ARMC9: variants seen among roughly 807,000 people sequenced by gnomAD.
ARMC9 encodes lisH domain-containing protein ARMC9.
A neutral mutation model predicts 107.0 loss-of-function variants in ARMC9; 94 were observed. That is an observed-to-expected ratio of 0.88 (90% CI 0.74 to 1.04). The LOEUF is 1.04. Ranked by LOEUF, ARMC9 falls within the 50% of genes least tolerant of loss-of-function variation. The pLI, the probability that ARMC9 is intolerant of heterozygous loss-of-function variation, is 0.00. For missense variants in ARMC9, 942 were observed against 1,030.1 expected, an observed-to-expected ratio of 0.91 and a Z score of 1.17; for synonymous variants, 380 against 396.9, an observed-to-expected ratio of 0.96 and a Z score of 0.51.
At chr2:231,320,746 A>G (rs56388627) in intron 19 of ARMC9, among the ~76,000 whole-genome samples, 1 of 151,924 alleles carries the variant, frequency 6.6e-6, no homozygotes, top group Non-Finnish European at 1.5e-5. Context: ...AGGTGAGCTG[A>G]TGGTCACAGC....
chr2:231,306,723 C>T, intron 19 of ARMC9, among the ~76,000 whole-genome samples: 1 of 151,372 alleles, frequency 6.6e-6, no homozygotes, highest in Non-Finnish European at 1.5e-5. Flanking sequence ...CAAGATCTTC[C>T]AAGTGAGGCC....
chr2:231,226,959 G>A (rs1440271306), intron 7 of ARMC9, among the ~76,000 whole-genome samples, 161 bp downstream of exon 7: 3 of 152,078 alleles, frequency 2.0e-5, no homozygotes, highest in Admixed American at 1.3e-4. Context: ...GTTCCTTGAG[G>A]CCCATTTTCG....
At position 231,259,606 on chromosome 2, in the gene ARMC9, A is replaced by T. The variant is rs1225543484; in HGVS notation, c.1026+504A>T. Among the ~76,000 whole-genome samples the T allele has an allele frequency of 1.3e-5, 2 of 152,062 alleles. 1 individual carries two copies. Among genetic ancestry groups the T allele is most frequent in the South Asian group, 4.1e-4 (2 of 4,822 alleles). On this transcript the variant is annotated intron_variant, in intron 11 of 24. Coordinates refer to ENST00000611582, the MANE Select transcript of ARMC9 (RefSeq NM_001352754.2). ...TGGTTCTCAAGCTTTTTCGTGTCAG[A>T]CCCTTTCCACTCTCAACAATGACTG... is the stretch of plus-strand genomic sequence containing the variant.
chr2:231,366,857 A>AT lies in ARMC9; in HGVS notation c.2262-3085dup, dbSNP rs900272982. On this transcript the variant is annotated intron_variant, in intron 23 of 24. Coordinates refer to ENST00000611582, the MANE Select transcript of ARMC9 (RefSeq NM_001352754.2). ...TCTGTCTCAAAACAAAACCAAACAA[A>AT]TTTTTTTTTTTGAGACGGAGTCTCG... Among the ~76,000 whole-genome samples, 556 of 145,574 alleles carry AT rather than the reference A, an allele frequency of 3.8e-3. 4 individuals carry two copies. The highest frequency in any genetic ancestry group is 0.012 in the African/African-American group (493 of 40,086).
intron 8 of ARMC9, among the ~76,000 whole-genome samples, chr2:231,237,180 G>A (rs1218681768): frequency 1.4e-5 from 2 of 144,790 alleles, no homozygotes; most frequent in African/African-American, 5.1e-5. Flanking sequence ...GTATGCGTGT[G>A]TGTGTGTGTG....
intron 5 of ARMC9, among the ~76,000 whole-genome samples, chr2:231,220,596 CAAAA>C (rs71396668): frequency 1.5e-5 from 1 of 66,170 alleles, no homozygotes; most frequent in African/African-American, 5.7e-5. Context: ...GACTCCATCT[CAAAA>C]AAAAAAAAAA....
Position 231,370,027 on chromosome 2 carries a change from AG to A in ARMC9, c.2338del (p.Ala780GlnfsTer66). 1 of 1,535,716 alleles carries A rather than the reference AG, an allele frequency of 6.5e-7. No individual in the cohort carries two copies. Among genetic ancestry groups the A allele is most frequent in the Non-Finnish European group, 8.7e-7 (1 of 1,146,690 alleles). On this transcript the variant is annotated frameshift_variant, in exon 24 of 25. Transcript: ENST00000611582. LOFTEE classifies it high-confidence loss of function. ...TPEMLDWNPPKAKASVLAPLF... is the reference protein window; with the variant it reads ...TPEMLDWNPPXAKASVLAPLF... ...GAGATGCTGGACTGGAACCCACCCAAGGCAAAGGCGTCAGTTCTGGCCCCTC... is the reference window on the plus strand; with the variant it reads ...GAGATGCTGGACTGGAACCCACCCAAGCAAAGGCGTCAGTTCTGGCCCCTC...
intron 7 of ARMC9, among the ~76,000 whole-genome samples, chr2:231,233,776 C>CA (rs1224508552): frequency 9.0e-4 from 124 of 137,582 alleles, no homozygotes; most frequent in African/African-American, 7.9e-4. Flanking sequence ...AACTCCATCT[C>CA]AAAAAAAAAA....
chr2:231,280,020 G>A (rs923146088), intron 16 of ARMC9, among the ~76,000 whole-genome samples: 5 of 152,204 alleles, frequency 3.3e-5, no homozygotes, highest in Admixed American at 2.6e-4. Flanking sequence ...TCAGGCAGGT[G>A]AAACCAGTGG....
intron 12 of ARMC9, among the ~76,000 whole-genome samples, chr2:231,265,474 C>A (rs899003667): frequency 4.6e-5 from 7 of 152,110 alleles, no homozygotes; most frequent in African/African-American, 1.4e-4. Flanking sequence ...AGGCCTTATT[C>A]TAAGTGGGGT....
At chr2:231,263,993 G>A (rs2038622553) in intron 12 of ARMC9, among the ~76,000 whole-genome samples, 1 of 152,086 alleles carries the variant, frequency 6.6e-6, no homozygotes, top group Non-Finnish European at 1.5e-5. Context: ...GACAGTCAAT[G>A]GCATTTTACA....
intron 3 of ARMC9, 119 bp from the exon 4 acceptor site, chr2:231,214,712 T>G: frequency 9.3e-7 from 1 of 1,079,552 alleles, no homozygotes; most frequent in Non-Finnish European, 1.3e-6. Context: ...GGATCTCTAT[T>G]TTTCTATCCT....
intron 21 of ARMC9, among the ~76,000 whole-genome samples, chr2:231,354,327 A>G (rs1410789212): frequency 6.9e-6 from 1 of 144,270 alleles, no homozygotes; most frequent in Non-Finnish European, 1.5e-5. Context: ...TGCCCCCCTC[A>G]GGCTGGTTAC....
intron 19 of ARMC9, among the ~76,000 whole-genome samples, chr2:231,311,724 C>T (rs982351637): frequency 1.7e-4 from 22 of 131,298 alleles, no homozygotes; most frequent in Non-Finnish European, 2.8e-4. Flanking sequence ...GAGCCGAGAT[C>T]GTGCCACTAC....
intron 12 of ARMC9, among the ~76,000 whole-genome samples, chr2:231,264,599 G>A (rs1407689559): frequency 6.6e-6 from 1 of 152,040 alleles, no homozygotes; most frequent in African/African-American, 2.4e-5. Context: ...CTGGGTTCGA[G>A]CGATTCTCTT....
intron 7 of ARMC9, among the ~76,000 whole-genome samples, chr2:231,228,667 CTCTTCTTGAT>C (rs1236878452): frequency 6.6e-6 from 1 of 152,182 alleles, no homozygotes; most frequent in African/African-American, 2.4e-5. Flanking sequence ...AATTACATTC[CTCTTCTTGAT>C]GGGAAGGAGG....
chr2:231,221,571 G>C (rs1338675532), intron 5 of ARMC9, among the ~76,000 whole-genome samples: 1 of 151,876 alleles, frequency 6.6e-6, no homozygotes, highest in African/African-American at 2.4e-5. Flanking sequence ...GCTCATGCCT[G>C]TAATCCCAGC....
intron 19 of ARMC9, among the ~76,000 whole-genome samples, chr2:231,325,396 T>C (rs533008938): frequency 6.6e-6 from 1 of 152,350 alleles, no homozygotes; most frequent in Non-Finnish European, 1.5e-5. Flanking sequence ...TGACTGAAGT[T>C]AGCCATTGAC....
chr2:231,235,521 C>T, intron 8 of ARMC9, 140 bp downstream of exon 8: 1 of 960,644 alleles, frequency 1.0e-6, no homozygotes, highest in East Asian at 2.7e-5. Context: ...TTCCAAAAGC[C>T]AACATGCATG....
Sources: gnomAD v4.1 joint callset for allele counts (sites outside exome capture counted in the v4.1 genomes callset) on GRCh38, gnomAD v4.1.1 for gene constraint, MANE v1.5 for transcripts, NCBI Gene and HGNC (gene_info 2026-07-23, HGNC 2026-07-21) for gene names.